The following LRRFIP2 variants were observed in gnomAD, a reference collection of about 807,000 sequenced individuals.
LRRFIP2 encodes LRR binding FLII interacting protein 2.
A neutral mutation model predicts 125.9 loss-of-function variants in LRRFIP2; 109 were observed. The ratio of observed to expected loss-of-function variants is 0.87; its 90% CI spans 0.74 to 1.01. LRRFIP2 has a LOEUF of 1.01. Ranked by LOEUF, LRRFIP2 falls within the 50% of genes least tolerant of loss-of-function variation. The pLI is 0.00. For synonymous variants in LRRFIP2, 291 were observed against 293.1 expected, an observed-to-expected ratio of 0.99 and a Z score of 0.07; for missense variants, 850 against 862.3, an observed-to-expected ratio of 0.99 and a Z score of 0.18.
Position 37,065,955 on chromosome 3 carries a change from A to G in LRRFIP2, c.1567-13T>C, listed in dbSNP as rs752597880. The G allele has an allele frequency of 5.6e-5, 90 of 1,613,998 alleles. No homozygotes were observed. Among genetic ancestry groups the G allele is most frequent in the Admixed American group, 1.7e-4 (10 of 60,002 alleles). ...CTAAGCCATGTTTCTGCAGGGGGGA[A>G]AAACCCACCATCACAAAAGGCCCGT... On this transcript the variant is annotated splice_polypyrimidine_tract_variant and intron_variant, in intron 22 of 27. Coordinates refer to ENST00000336686, the MANE Select transcript of LRRFIP2 (RefSeq NM_006309.4).
At position 37,058,915 on chromosome 3, in the gene LRRFIP2, A is replaced by AATG; in HGVS notation, c.1750-8_1750-6dup. 6.2e-7 allele frequency: 1 copy of AATG among 1,613,608 alleles called. No homozygotes were observed. On this transcript the variant is annotated splice_polypyrimidine_tract_variant and splice_region_variant and intron_variant, in intron 24 of 27. Transcript: ENST00000336686. ...CTGAAGCTTCAGTTTTCTAATCTGAAATGAAAATAAAGGTTCATCAGCAAG... is the reference window on the plus strand; with the variant it reads ...CTGAAGCTTCAGTTTTCTAATCTGAAATGATGAAAATAAAGGTTCATCAGCAAG...
intron 15 of LRRFIP2, among the ~76,000 whole-genome samples, chr3:37,097,118 A>G (rs1267314983): frequency 6.6e-6 from 1 of 152,058 alleles, no homozygotes; most frequent in East Asian, 1.9e-4. Context: ...ATTAGATTAA[A>G]GCATGTTAAA....
chr3:37,109,200 G>C (rs563558911), intron 11 of LRRFIP2, among the ~76,000 whole-genome samples: 3 of 152,166 alleles, frequency 2.0e-5, no homozygotes, highest in Admixed American at 1.3e-4. Flanking sequence ...GATCATAACT[G>C]TCCCAAAGAA....
intron 13 of LRRFIP2, 62 bp downstream of exon 13, chr3:37,108,011 G>A: frequency 2.3e-6 from 3 of 1,322,468 alleles, no homozygotes; most frequent in Non-Finnish European, 2.2e-6. Context: ...TCTAAACAGT[G>A]AGTACAGATT....
chr3:37,114,147 C>G (rs2094668789), intron 7 of LRRFIP2, among the ~76,000 whole-genome samples: 1 of 151,296 alleles, frequency 6.6e-6, no homozygotes, highest in Non-Finnish European at 1.5e-5. Flanking sequence ...TTATACATTA[C>G]TCTGAATATT....
intron 25 of LRRFIP2, 102 bp downstream of exon 25, chr3:37,058,688 A>C: frequency 7.7e-7 from 1 of 1,299,036 alleles, no homozygotes. Flanking sequence ...AAAAAAAAAA[A>C]AAAGAAAAGT....
At chr3:37,136,837 TTAAAC>T (rs1338823784) in intron 2 of LRRFIP2, among the ~76,000 whole-genome samples, 1 of 151,932 alleles carries the variant, frequency 6.6e-6, no homozygotes, top group Non-Finnish European at 1.5e-5. Context: ...ACTTATAAAA[TTAAAC>T]TAAATTATCT....
chr3:37,165,026 G>A (rs1463564154), intron 1 of LRRFIP2, among the ~76,000 whole-genome samples: 1 of 151,768 alleles, frequency 6.6e-6, no homozygotes, highest in African/African-American at 2.4e-5. Context: ...ACGAGGTCGG[G>A]AGATCGAGAC....
At chr3:37,061,236 T>C (rs191610399) in intron 24 of LRRFIP2, among the ~76,000 whole-genome samples, 1 of 152,182 alleles carries the variant, frequency 6.6e-6, no homozygotes, top group Non-Finnish European at 1.5e-5. Context: ...CCCAGCACTT[T>C]GGGAGGACGA....
At chr3:37,130,514 A>G (rs541951172) in intron 2 of LRRFIP2, among the ~76,000 whole-genome samples, 1 of 152,322 alleles carries the variant, frequency 6.6e-6, no homozygotes, top group African/African-American at 2.4e-5. Flanking sequence ...CAAGTCCAGT[A>G]GTTCCCCCCT....
intron 2 of LRRFIP2, chr3:37,134,713 C>T: frequency 1.3e-6 from 1 of 769,836 alleles, no homozygotes; most frequent in South Asian, 1.3e-5. Context: ...GACCCTCCAG[C>T]ACAATGTTCT....
intron 1 of LRRFIP2, among the ~76,000 whole-genome samples, chr3:37,156,720 G>T (rs2096211280): frequency 7.1e-6 from 1 of 141,208 alleles, no homozygotes; most frequent in Non-Finnish European, 1.5e-5. Context: ...TGGATGACTA[G>T]GTGAAAAAAA....
chr3:37,105,524 C>T lies in LRRFIP2; in HGVS notation c.715-1G>A. The T allele has an allele frequency of 6.2e-7, 1 of 1,612,196 alleles. No homozygotes were observed. The highest frequency in any genetic ancestry group is 8.5e-7 in the Non-Finnish European group (1 of 1,178,362). ...TGCTTGCAGTGTCATCGTTGGTAAA[C>T]TATAGATATTAAATGCAGATAATGA... On this transcript the variant is annotated splice_acceptor_variant, in intron 13 of 27. Transcript: ENST00000336686. LOFTEE classifies it high-confidence loss of function.
intron 1 of LRRFIP2, among the ~76,000 whole-genome samples, chr3:37,151,925 A>G (rs745859171): frequency 6.6e-6 from 1 of 152,196 alleles, no homozygotes; most frequent in Non-Finnish European, 1.5e-5. Flanking sequence ...TTAAAGAACT[A>G]AAAGTAGAAC....
chr3:37,117,852 T>C (rs1361957364), intron 6 of LRRFIP2, among the ~76,000 whole-genome samples: 1 of 152,216 alleles, frequency 6.6e-6, no homozygotes, highest in Non-Finnish European at 1.5e-5. Flanking sequence ...GTCTTTCCTT[T>C]TGGGTGTACT....
At chr3:37,082,531 C>T (rs1292829040) in intron 19 of LRRFIP2, among the ~76,000 whole-genome samples, 2 of 152,044 alleles carry the variant, frequency 1.3e-5, no homozygotes, top group African/African-American at 4.8e-5. Flanking sequence ...ATCACTATCA[C>T]CCAAAGTCCA....
At chr3:37,131,512 C>T (rs1249823588) in intron 2 of LRRFIP2, among the ~76,000 whole-genome samples, 2 of 152,190 alleles carry the variant, frequency 1.3e-5, no homozygotes, top group Admixed American at 1.3e-4. Flanking sequence ...TAATGTGCCA[C>T]ATGAAACTTA....
chr3:37,057,363 C>G lies in LRRFIP2; in HGVS notation c.1870+1427G>C, dbSNP rs544568029. On this transcript the variant is annotated intron_variant, in intron 25 of 27. Coordinates refer to ENST00000336686, the MANE Select transcript of LRRFIP2 (RefSeq NM_006309.4). Reference sequence around the variant, plus strand: ...CTGTAGTAGCTTCCTAACTAGTCAGCCTGCCTTTTCCCATGTCCCTGTTCT... The same window carrying G: ...CTGTAGTAGCTTCCTAACTAGTCAGGCTGCCTTTTCCCATGTCCCTGTTCT... 3.3e-5 allele frequency among the ~76,000 whole-genome samples: 5 copies of G among 152,306 alleles called. No homozygotes were observed. In the South Asian group the frequency reaches 6.2e-4, roughly 19 times the overall value.
chr3:37,146,372 G>A (rs1021191424), intron 2 of LRRFIP2, among the ~76,000 whole-genome samples: 2 of 152,164 alleles, frequency 1.3e-5, no homozygotes, highest in Non-Finnish European at 2.9e-5. Context: ...AGGTAAACAC[G>A]TGTCATGATG....
Sources: allele counts gnomAD v4.1 joint callset (sites outside exome capture counted in the v4.1 genomes callset), GRCh38; gene constraint gnomAD v4.1.1; transcripts MANE v1.5; gene names NCBI Gene and HGNC (gene_info 2026-07-23, HGNC 2026-07-21).